The following NEIL1 variants were observed in gnomAD, a reference collection of about 807,000 sequenced individuals.
NEIL1 encodes the protein endonuclease 8-like 1.
Under a neutral mutation model 44.2 loss-of-function variants are expected in NEIL1, and 31 were observed. That is an observed-to-expected ratio of 0.70 (90% CI 0.53 to 0.95). The LOEUF is 0.95. NEIL1 is among the 40% of genes least tolerant of loss of function. The pLI, the probability that NEIL1 is intolerant of heterozygous loss-of-function variation, is 0.00. For missense variants in NEIL1, 549 were observed against 515.5 expected (o/e 1.07, Z -0.63); for synonymous variants, 254 against 209.7 (o/e 1.21, Z -1.83).
Position 75,349,144 on chromosome 15 carries a change from G to A in NEIL1, c.239G>A (p.Gly80Asp). 2 of 1,610,074 alleles carry A rather than the reference G, an allele frequency of 1.2e-6. No individual in the cohort carries two copies. The highest frequency in any genetic ancestry group is 1.7e-6 in the Non-Finnish European group (2 of 1,179,910). ...QEPLALVFRF[G>D]MSGSFQLVPR... ...CCACTGGCCCTGGTCTTCCGCTTCG[G>A]CATGTCCGGCTCTTTTCAGCTGGTG... The change falls in exon 2 of 10, where the codon GGC (glycine) becomes GAC (aspartate). Residue 80 changes from glycine (G) to aspartate (D), a missense_variant. Physicochemically the swap from Gly to Asp is moderately conservative, Grantham distance 94. Coordinates refer to ENST00000355059, the MANE Select transcript of NEIL1 (RefSeq NM_024608.4).
At chr15:75,350,161 CCCA>C (rs1286956152) in intron 2 of NEIL1, among the ~76,000 whole-genome samples, 1 of 152,340 alleles carries the variant, frequency 6.6e-6, no homozygotes, top group East Asian at 1.9e-4. Context: ...GTGTAACAGC[CCCA>C]CCTGGGATGT....
rs1428060631 is a variant in NEIL1 at position 75,356,363 on chromosome 15, C to T, written c.*1329C>T. ...ACGGAAAACGCACTCCAGGAGGTGG[C>T]GGGCGCTGGGCTGGGGGCTGGCAGA... On this transcript the variant is annotated 3_prime_UTR_variant, in exon 10 of 10. Coordinates refer to ENST00000355059, the MANE Select transcript of NEIL1 (RefSeq NM_024608.4). This position sits in a 1 kb window ranked among gnomAD's most constrained non-coding sequence, Gnocchi z 5.8. 21 of 1,611,418 alleles carry T rather than the reference C, an allele frequency of 1.3e-5. No individual in the cohort carries two copies. The highest frequency in any genetic ancestry group is 1.7e-5 in the Admixed American group (1 of 59,594).
In NEIL1 at chr15:75,355,880, A is replaced by G. The variant is rs1232007903; in HGVS notation, c.*846A>G. On this transcript the variant is annotated 3_prime_UTR_variant, in exon 10 of 10. Coordinates refer to ENST00000355059, the MANE Select transcript of NEIL1 (RefSeq NM_024608.4). ...AAATTAGGAGTCCCCAGAGCCTTCT[A>G]CAAACAAAACCCCAGCCCCAGGGAC... 15 of 1,613,072 alleles carry G rather than the reference A, an allele frequency of 9.3e-6. No homozygotes were observed. Among genetic ancestry groups the G allele is most frequent in the Non-Finnish European group, 1.3e-5 (15 of 1,179,676 alleles).
intron 1 of NEIL1, chr15:75,348,280 C>A: frequency 1.0e-6 from 1 of 971,120 alleles, no homozygotes; most frequent in Non-Finnish European, 1.2e-6. Flanking sequence ...GCGGCCGATT[C>A]GGCCGCTCCC....
Position 75,354,778 on chromosome 15 carries a change from G to A in NEIL1, c.1062G>A (p.Val354=). The A allele has an allele frequency of 1.2e-6, 2 of 1,614,116 alleles. No individual in the cohort carries two copies. Among genetic ancestry groups the A allele is most frequent in the South Asian group, 1.1e-5 (1 of 91,090 alleles). The change falls in exon 9 of 10, where the codon GTG becomes GTA. Residue 354 remains valine (V), a synonymous_variant. Transcript: ENST00000355059. The part of the protein sequence containing the change: ...SLQQDPEAPT[V]PKKGRRKGRQ... ...AGCAGGACCCAGAAGCTCCCACAGT[G>A]CCCAAGAAGGGGAGGAGGAAGGGGC...
chr15:75,348,283 C>T, intron 1 of NEIL1: 1 of 976,740 alleles, frequency 1.0e-6, no homozygotes, highest in Non-Finnish European at 1.2e-6. Context: ...GCCGATTCGG[C>T]CGCTCCCGCC....
intron 5 of NEIL1, 41 bp from the exon 6 acceptor site, chr15:75,353,698 G>C: frequency 6.2e-7 from 1 of 1,613,078 alleles, no homozygotes; most frequent in Non-Finnish European, 8.5e-7. Flanking sequence ...CTCCCAACCT[G>C]AGCCTGCCCT....
At chr15:75,353,994 G>C (rs1318095126) in intron 6 of NEIL1, 128 bp downstream of exon 6, 2 of 1,302,770 alleles carry the variant, frequency 1.5e-6, no homozygotes, top group Admixed American at 3.8e-5. Context: ...CTGTTCCTGA[G>C]GGTCACACCC....
At chr15:75,348,608 CTT>C in intron 1 of NEIL1, 10 of 1,325,074 alleles carry the variant, frequency 7.5e-6, no homozygotes, top group Non-Finnish European at 9.7e-6. Context: ...AGGATTGGGA[CTT>C]TCGTCTAAAC....
rs1595868864 is a variant in NEIL1 at position 75,354,507 on chromosome 15, T to C, written c.936+15T>C. On this transcript the variant is annotated intron_variant, in intron 8 of 9. Coordinates refer to ENST00000355059, the MANE Select transcript of NEIL1 (RefSeq NM_024608.4). Reference sequence around the variant, plus strand: ...ACAGAGTGGAGGTATGGCTGCCTGCTCCCGCCTCCTCCCCTGCACTCTGCA... The same window carrying C: ...ACAGAGTGGAGGTATGGCTGCCTGCCCCCGCCTCCTCCCCTGCACTCTGCA... 1 of 1,613,966 alleles carries C rather than the reference T, an allele frequency of 6.2e-7. No homozygotes were observed. Among genetic ancestry groups the C allele is most frequent in the Non-Finnish European group, 8.5e-7 (1 of 1,179,890 alleles).
rs1567269298 is a variant in NEIL1, at chr15:75,356,478, T to C, written c.*1444T>C. 2 of 1,578,552 alleles carry C rather than the reference T, an allele frequency of 1.3e-6. No individual in the cohort carries two copies. The highest frequency in any genetic ancestry group is 2.3e-5 in the South Asian group (2 of 85,892). On this transcript the variant is annotated 3_prime_UTR_variant, in exon 10 of 10. Coordinates refer to ENST00000355059, the MANE Select transcript of NEIL1 (RefSeq NM_024608.4). The surrounding 1 kb of genome is among the most constrained non-coding windows in gnomAD (Gnocchi z 5.8). ...GGGTACGACCAGGAAACAATGCTGGTGGAGAATGGGGGCTACCCTCCCCTG... is the reference window on the plus strand; with the variant it reads ...GGGTACGACCAGGAAACAATGCTGGCGGAGAATGGGGGCTACCCTCCCCTG...
chr15:75,352,029 C>T, intron 2 of NEIL1, 82 bp from the exon 3 acceptor site: 1 of 1,427,566 alleles, frequency 7.0e-7, no homozygotes, highest in African/African-American at 1.4e-5. Context: ...CCCTTGCACC[C>T]AGAAACAGGT....
chr15:75,357,052 C>T lies in NEIL1; in HGVS notation c.*2018C>T. 6.4e-6 allele frequency: 4 copies of T among 622,666 alleles called. No homozygotes were observed. The highest frequency in any genetic ancestry group is 2.8e-5 in the Admixed American group (1 of 35,116). 38.6% of individuals were successfully genotyped at this position (622,666 alleles called of 1,614,324 possible). On this transcript the variant is annotated 3_prime_UTR_variant, in exon 10 of 10. Transcript: ENST00000355059. Reference sequence around the variant, plus strand: ...CTGTACGGGGCCCTGGGCATGCCACCCAACCTGCCTAAGCCTCAGTTTCCT... The same window carrying T: ...CTGTACGGGGCCCTGGGCATGCCACTCAACCTGCCTAAGCCTCAGTTTCCT...
chr15:75,349,220 G>A lies in NEIL1; in HGVS notation c.315G>A (p.Pro105=), dbSNP rs560411863. 25 of 1,609,638 alleles carry A rather than the reference G, an allele frequency of 1.6e-5. No individual in the cohort carries two copies. The East Asian group carries it at 3.1e-4, about 20-fold the overall frequency. ...RHAHLRFYTA[P]PGPRLALCFV... ...CCCACCTGCGCTTTTACACGGCCCCGCCTGGCCCCCGGCTCGCCCTATGTT... is the reference window on the plus strand; with the variant it reads ...CCCACCTGCGCTTTTACACGGCCCCACCTGGCCCCCGGCTCGCCCTATGTT... The change falls in exon 2 of 10, where the codon CCG becomes CCA. Residue 105 remains proline (P), a synonymous_variant. Coordinates refer to ENST00000355059, the MANE Select transcript of NEIL1 (RefSeq NM_024608.4).
intron 9 of NEIL1, 29 bp downstream of exon 9, chr15:75,354,847 T>G: frequency 6.2e-7 from 1 of 1,613,696 alleles, no homozygotes; most frequent in Admixed American, 1.7e-5. Context: ...TCCCAGAAAC[T>G]GGCTCTACAG....
rs2071672146 is a variant in NEIL1 at position 75,349,099 on chromosome 15, G to A, written c.194G>A (p.Gly65Glu). The A allele has an allele frequency of 1.9e-6, 3 of 1,612,300 alleles. No homozygotes were observed. The highest frequency in any genetic ancestry group is 2.5e-6 in the Non-Finnish European group (3 of 1,179,924). Residue 65 changes from glycine to glutamate, a missense_variant, in exon 2 of 10, where the codon GGG becomes GAG. Coordinates refer to ENST00000355059, the MANE Select transcript of NEIL1 (RefSeq NM_024608.4). ...CGCCTGATACTGAGCCCTCTGCCTGGGGCCCAGCCCCAACAGGAGCCACTG... is the reference window on the plus strand; with the variant it reads ...CGCCTGATACTGAGCCCTCTGCCTGAGGCCCAGCCCCAACAGGAGCCACTG... The part of the protein sequence containing the change: ...ELRLILSPLP[G>E]AQPQQEPLAL...
Position 75,349,187 on chromosome 15 carries a change from A to T in NEIL1, c.282A>T (p.Pro94=). 2.5e-6 allele frequency: 4 copies of T among 1,609,146 alleles called. No homozygotes were observed. The highest frequency in any genetic ancestry group is 3.4e-6 in the Non-Finnish European group (4 of 1,179,900). Residue 94 remains proline, a synonymous_variant, in exon 2 of 10, where the codon CCA becomes CCT. Coordinates refer to ENST00000355059, the MANE Select transcript of NEIL1 (RefSeq NM_024608.4). Reference sequence around the variant, plus strand: ...AGCTGGTGCCCCGCGAGGAGCTGCCACGCCATGCCCACCTGCGCTTTTACA... The same window carrying T: ...AGCTGGTGCCCCGCGAGGAGCTGCCTCGCCATGCCCACCTGCGCTTTTACA... ...SFQLVPREEL[P]RHAHLRFYTA...
rs572240160 is a variant in NEIL1, at chr15:75,356,637, G to A, written c.*1603G>A. 12 of 1,569,624 alleles carry A rather than the reference G, an allele frequency of 7.6e-6. No individual in the cohort carries two copies. The South Asian group carries it at 8.1e-5, about 11-fold the overall frequency. Reference sequence around the variant, plus strand: ...GCGGCATCAGTGCATAGGTGAACTCGTGGCGCCCCGTGTCAGCAGTAGCGT... The same window carrying A: ...GCGGCATCAGTGCATAGGTGAACTCATGGCGCCCCGTGTCAGCAGTAGCGT... On this transcript the variant is annotated 3_prime_UTR_variant, in exon 10 of 10. Transcript: ENST00000355059. This position sits in a 1 kb window ranked among gnomAD's most constrained non-coding sequence, Gnocchi z 5.8.
chr15:75,351,411 A>G (rs2071882323), intron 2 of NEIL1: 1 of 381,064 alleles, frequency 2.6e-6, no homozygotes, highest in Admixed American at 3.5e-5. Context: ...GATTAACTGG[A>G]ACCACAGGAG....
Sources: gnomAD v4.1 joint callset for allele counts (sites outside exome capture counted in the v4.1 genomes callset) on GRCh38, gnomAD v4.1.1 for gene constraint, Gnocchi (gnomAD v3.1) non-coding constraint, MANE v1.5 for transcripts, NCBI Gene and HGNC (gene_info 2026-07-23, HGNC 2026-07-21) for gene names.